MYLK: variants seen among roughly 807,000 people sequenced by gnomAD.
MYLK encodes the protein myosin light chain kinase, also known as myosin light chain kinase, smooth muscle.
In MYLK, 106 loss-of-function variants were observed where a neutral mutation model predicts 203.4. The ratio of observed to expected loss-of-function variants is 0.52; its 90% CI spans 0.45 to 0.61. The LOEUF is 0.61. Among genes scored for constraint, MYLK ranks in the 20% least tolerant of loss-of-function variants. The pLI is 0.00. For synonymous variants in MYLK, 867 were observed against 959.5 expected (o/e 0.90, Z 1.78); for missense variants, 2,072 against 2,442.3 (o/e 0.85, Z 3.20).
intron 29 of MYLK, chr3:123,630,579 T>C (rs1283893916): frequency 6.6e-6 from 1 of 152,232 alleles, no homozygotes; most frequent in Admixed American, 6.5e-5. Flanking sequence ...GGTATCTGCC[T>C]CTAGAGCCTG....
In MYLK at chr3:123,667,177, A is replaced by G; in HGVS notation, c.3663T>C (p.Thr1221=). 1 of 1,614,172 alleles carries G rather than the reference A, an allele frequency of 6.2e-7. No individual in the cohort carries two copies. The highest frequency in any genetic ancestry group is 8.5e-7 in the Non-Finnish European group (1 of 1,180,022). ...TCTTGGGGGCAGGTTTCTTTTTCAC[A>G]GTCGCATCACCTGAAACAAAGAAGT... is the stretch of plus-strand genomic sequence containing the variant. ...PPVLGTESDA[T]VKKKPAPKTP... is the part of the protein sequence containing the mutation. Residue 1221 remains threonine, a synonymous_variant, in exon 21 of 34, where the codon ACT becomes ACC. Coordinates refer to ENST00000360304, the MANE Select transcript of MYLK (RefSeq NM_053025.4).
intron 3 of MYLK, among the ~76,000 whole-genome samples, chr3:123,804,834 A>G (rs113767834): frequency 1.3e-5 from 2 of 152,148 alleles, no homozygotes; most frequent in African/African-American, 4.8e-5. Flanking sequence ...CTGTGACTCA[A>G]CTAACACCTG....
chr3:123,618,680 A>ACTT lies in MYLK; in HGVS notation c.5456_5458dup (p.Glu1819dup). 6.2e-7 allele frequency: 1 copy of ACTT among 1,614,146 alleles called. No individual in the cohort carries two copies. Among genetic ancestry groups the ACTT allele is most frequent in the South Asian group, 1.1e-5 (1 of 91,080 alleles). On this transcript the variant is annotated inframe_insertion, in exon 33 of 34. Transcript: ENST00000360304. ...AAATCTAGCAGCACTTCCCTCCACAACTTCTAAATCGCGAATGGTCTTAGA... is the reference window on the plus strand; with the variant it reads ...AAATCTAGCAGCACTTCCCTCCACAACTTCTTCTAAATCGCGAATGGTCTTAGA...
intron 20 of MYLK, among the ~76,000 whole-genome samples, chr3:123,680,878 C>G (rs149103796): frequency 6.6e-6 from 1 of 152,290 alleles, no homozygotes; most frequent in African/African-American, 2.4e-5. Context: ...GTTCAAGCAA[C>G]TCTGCACCCT....
chr3:123,697,815 C>T (rs2060994707), intron 18 of MYLK, among the ~76,000 whole-genome samples: 1 of 152,222 alleles, frequency 6.6e-6, no homozygotes, highest in Non-Finnish European at 1.5e-5. Flanking sequence ...TTCCACCTCT[C>T]CTGGTCTCTC....
At chr3:123,762,809 G>A (rs1347552476) in intron 4 of MYLK, among the ~76,000 whole-genome samples, 1 of 152,170 alleles carries the variant, frequency 6.6e-6, no homozygotes, top group Non-Finnish European at 1.5e-5. Context: ...TGCTCTCTTG[G>A]AAACAGAAAG....
At position 123,737,308 on chromosome 3, in the gene MYLK, AAG is replaced by A. The variant is rs1341699645; in HGVS notation, c.754+68_754+69del. The A allele has an allele frequency of 8.1e-6, 13 of 1,603,568 alleles. No individual in the cohort carries two copies. The Admixed American group carries it at 1.3e-4, about 16-fold the overall frequency. ...ATACACACACAGGTGCGCAGTGAAC[AAG>A]CAGCTCCTCTAGGAGGGTGCGGCAC... On this transcript the variant is annotated intron_variant, in intron 8 of 33. Coordinates refer to ENST00000360304, the MANE Select transcript of MYLK (RefSeq NM_053025.4).
Position 123,739,858 on chromosome 3 carries a change from C to T in MYLK, c.422+95G>A, listed in dbSNP as rs911766875. On this transcript the variant is annotated intron_variant, in intron 6 of 33. Coordinates refer to ENST00000360304, the MANE Select transcript of MYLK (RefSeq NM_053025.4). ...GCTCCCGCCCTTTGGTTATTATAAC[C>T]TAGGAGAGCCAAGACTTACTCCCCA... The T allele has an allele frequency of 3.7e-6, 5 of 1,348,370 alleles. No individual in the cohort carries two copies. The Admixed American group carries it at 6.7e-5, about 18-fold the overall frequency. 83.5% of individuals were successfully genotyped at this position (1,348,370 alleles called of 1,614,324 possible). A position where few individuals can be genotyped will look rare whatever the true frequency, so the allele number is the denominator to read the frequency against.
At chr3:123,641,387 A>C (rs1230361735) in intron 27 of MYLK, among the ~76,000 whole-genome samples, 1 of 151,972 alleles carries the variant, frequency 6.6e-6, no homozygotes, top group African/African-American at 2.4e-5. Flanking sequence ...CTCTCTGGTA[A>C]CTTATGCAGC....
At chr3:123,850,386 C>T (rs1298802494) in intron 2 of MYLK, among the ~76,000 whole-genome samples, 1 of 152,198 alleles carries the variant, frequency 6.6e-6, no homozygotes, top group East Asian at 1.9e-4. Flanking sequence ...CCTATTTCTC[C>T]ACATCCTCTC....
At chr3:123,748,515 G>A (rs935837289) in intron 5 of MYLK, among the ~76,000 whole-genome samples, 10 of 152,166 alleles carry the variant, frequency 6.6e-5, no homozygotes, top group Non-Finnish European at 1.3e-4. Flanking sequence ...GCCACTTGTG[G>A]CTATTGAGCA....
chr3:123,805,443 G>A (rs2065335520), intron 3 of MYLK, among the ~76,000 whole-genome samples: 1 of 152,184 alleles, frequency 6.6e-6, no homozygotes, highest in Non-Finnish European at 1.5e-5. Context: ...CACGCCAGAG[G>A]AGGGAAGGTG....
intron 3 of MYLK, among the ~76,000 whole-genome samples, chr3:123,807,712 T>C (rs1206888924): frequency 1.3e-5 from 2 of 152,170 alleles, no homozygotes; most frequent in Non-Finnish European, 2.9e-5. Context: ...GCAGATAGTC[T>C]TTCCCCATGC....
At chr3:123,750,899 T>C (rs1349908852) in intron 5 of MYLK, among the ~76,000 whole-genome samples, 2 of 152,176 alleles carry the variant, frequency 1.3e-5, no homozygotes, top group Admixed American at 6.5e-5. Flanking sequence ...GTCACTCAGT[T>C]AAAGAATTTA....
chr3:123,834,048 GTTT>G (rs1225635503), intron 2 of MYLK, among the ~76,000 whole-genome samples: 3 of 152,144 alleles, frequency 2.0e-5, no homozygotes, highest in Admixed American at 6.5e-5. Flanking sequence ...TTGTTTGTTT[GTTT>G]TTTGTTTCTT....
intron 18 of MYLK, among the ~76,000 whole-genome samples, chr3:123,698,639 C>A (rs535339984): frequency 9.9e-5 from 15 of 152,116 alleles, no homozygotes; most frequent in Non-Finnish European, 1.9e-4. Context: ...GAGGACCCTG[C>A]CAATCTGAGG....
At chr3:123,615,509 T>C (rs1470229061) in intron 33 of MYLK, among the ~76,000 whole-genome samples, 1 of 151,900 alleles carries the variant, frequency 6.6e-6, no homozygotes, top group Non-Finnish European at 1.5e-5. Flanking sequence ...AATTTTTGTA[T>C]TTTTAGTAGA....
chr3:123,778,512 CAAAAAAAAAA>C (rs5852365), intron 4 of MYLK, among the ~76,000 whole-genome samples: 4 of 98,156 alleles, frequency 4.1e-5, no homozygotes, highest in Non-Finnish European at 6.9e-5. Context: ...GACTCTGCCT[CAAAAAAAAAA>C]AAAAAAAAAA....
chr3:123,790,038 A>G (rs1207523718), intron 4 of MYLK, among the ~76,000 whole-genome samples: 1 of 152,166 alleles, frequency 6.6e-6, no homozygotes, highest in African/African-American at 2.4e-5. Context: ...TGTATCTGGG[A>G]CAGGCTTTGA....
Sources: gnomAD v4.1 joint callset for allele counts (sites outside exome capture counted in the v4.1 genomes callset) on GRCh38, gnomAD v4.1.1 for gene constraint, MANE v1.5 for transcripts, NCBI Gene and HGNC (gene_info 2026-07-23, HGNC 2026-07-21) for gene names.